TXNDC9: variants seen among roughly 807,000 people sequenced by gnomAD.
The protein encoded by TXNDC9 is thioredoxin domain-containing protein 9.
Under a neutral mutation model 23.0 loss-of-function variants are expected in TXNDC9, and 7 were observed. The ratio of observed to expected loss-of-function variants is 0.30; its 90% CI spans 0.17 to 0.57. The LOEUF is 0.57. Among genes scored for constraint, TXNDC9 ranks in the 20% least tolerant of loss-of-function variants. The pLI is 0.90. For missense variants in TXNDC9, 198 were observed against 252.6 expected (o/e 0.78, Z 1.47); for synonymous variants, 72 against 90.6 (o/e 0.79, Z 1.17).
At chr2:99,306,241 A>T in the TXNDC9 span, among the ~76,000 whole-genome samples, 1 of 152,048 alleles carries the variant, frequency 6.6e-6, no homozygotes, top group African/African-American at 2.4e-5. Context: ...AGAGAATTGA[A>T]TCCAGCCATC....
the TXNDC9 span, among the ~76,000 whole-genome samples, chr2:99,311,279 G>A: frequency 6.6e-6 from 1 of 152,106 alleles, no homozygotes; most frequent in Non-Finnish European, 1.5e-5. Context: ...ATGTGGCCCA[G>A]GCTGGTCCCC....
intron 2 of TXNDC9, among the ~76,000 whole-genome samples, chr2:99,331,509 CAAA>C (rs1331778345): frequency 7.3e-5 from 4 of 54,754 alleles, no homozygotes; most frequent in Non-Finnish European, 7.5e-5. Flanking sequence ...GACTCCCTCT[CAAA>C]AAAAAAAAAA....
In TXNDC9 at chr2:99,319,713, T is replaced by C; in HGVS notation, c.650A>G (p.Lys217Arg). The change falls in exon 5 of 5, where the codon AAG becomes AGG. Residue 217 changes from lysine to arginine, a missense_variant. Transcript: ENST00000264255. ...TKLEKKTIRG[K>R]KYDSDSDDD Reference sequence around the variant, plus strand: ...ATCATCAGAGTCTGAATCATATTTCTTTCCTCGGATAGTTTTCTTTTCCAG... The same window carrying C: ...ATCATCAGAGTCTGAATCATATTTCCTTCCTCGGATAGTTTTCTTTTCCAG... 6.2e-7 allele frequency: 1 copy of C among 1,605,172 alleles called. No individual in the cohort carries two copies. Among genetic ancestry groups the C allele is most frequent in the Non-Finnish European group, 8.5e-7 (1 of 1,177,532 alleles).
Position 99,319,128 on chromosome 2 carries a change from C to T in TXNDC9, c.*554G>A, listed in dbSNP as rs1312356281. The T allele has an allele frequency of 6.6e-6, 1 of 152,150 alleles. No homozygotes were observed. Among genetic ancestry groups the T allele is most frequent in the African/African-American group, 2.4e-5 (1 of 41,432 alleles). The allele number at this position is 152,150 out of a possible 1,614,324, so 9.4% of individuals were successfully genotyped here. Reference sequence around the variant, plus strand: ...TTTAATGAATGTCTTAAAATACAAGCAATCAGGACCCTTTAAATAAGGCAG... The same window carrying T: ...TTTAATGAATGTCTTAAAATACAAGTAATCAGGACCCTTTAAATAAGGCAG... On this transcript the variant is annotated 3_prime_UTR_variant, in exon 5 of 5. Coordinates refer to ENST00000264255, the MANE Select transcript of TXNDC9 (RefSeq NM_005783.4).
intron 2 of TXNDC9, chr2:99,332,743 T>G (rs2094229008): frequency 5.8e-6 from 2 of 343,882 alleles, no homozygotes; most frequent in South Asian, 1.2e-4. Context: ...AACCAATGAC[T>G]CCCTAGCCCT....
rs546276508 is a variant in TXNDC9 at position 99,326,318 on chromosome 2, G to C, written c.308+1217C>G. Reference sequence around the variant, plus strand: ...GGTGTTAACTAACAATGAAGCTGTTGGGTTGTGAGATCAAGACAAAGGGGC... The same window carrying C: ...GGTGTTAACTAACAATGAAGCTGTTCGGTTGTGAGATCAAGACAAAGGGGC... On this transcript the variant is annotated intron_variant, in intron 3 of 4. Coordinates refer to ENST00000264255, the MANE Select transcript of TXNDC9 (RefSeq NM_005783.4). Among the ~76,000 whole-genome samples, 6 of 152,230 alleles carry C rather than the reference G, an allele frequency of 3.9e-5. No homozygotes were observed. In the South Asian group the frequency reaches 1.2e-3, roughly 32 times the overall value.
chr2:99,316,784 T>C (rs1183512214), downstream of TXNDC9, among the ~76,000 whole-genome samples: 2 of 151,672 alleles, frequency 1.3e-5, no homozygotes, highest in African/African-American at 4.8e-5. Context: ...TGAGATGGAG[T>C]CTCACTCTGT....
downstream of TXNDC9, among the ~76,000 whole-genome samples, chr2:99,316,623 C>T (rs1574901453): frequency 6.6e-6 from 1 of 152,054 alleles, no homozygotes; most frequent in Admixed American, 6.6e-5. Context: ...GATTTTCAGG[C>T]ATCATTTCTT....
chr2:99,327,465 GC>G, intron 3 of TXNDC9, 69 bp downstream of exon 3: 1 of 1,060,640 alleles, frequency 9.4e-7, no homozygotes, highest in South Asian at 1.4e-5. Flanking sequence ...TCTCTAGTAA[GC>G]CAGTATATCT....
the TXNDC9 span, chr2:99,306,630 T>G: frequency 3.1e-6 from 1 of 327,520 alleles, no homozygotes; most frequent in East Asian, 9.0e-5. Context: ...CTTATTGATG[T>G]AGACATTTGG....
Position 99,332,684 on chromosome 2 carries a change from C to T in TXNDC9, c.189+338G>A, listed in dbSNP as rs79863576. 9.2e-4 allele frequency: 202 copies of T among 219,114 alleles called. 1 individual carries two copies. Among genetic ancestry groups the T allele is most frequent in the Non-Finnish European group, 1.5e-3 (167 of 111,754 alleles). The allele number at this position is 219,114 out of a possible 1,614,324, so 13.6% of individuals were successfully genotyped here. On this transcript the variant is annotated intron_variant, in intron 2 of 4. Transcript: ENST00000264255. ...TGCTCTTATCTCATCTGTCTTATCT[C>T]GTTTGCTTTGAAAATAGCTAAATCG...
At chr2:99,332,804 T>C (rs1157270672) in intron 2 of TXNDC9, 10 of 482,846 alleles carry the variant, frequency 2.1e-5, no homozygotes, top group Non-Finnish European at 3.3e-5. Context: ...GGGCAGATCT[T>C]TCTTTTACTC....
intron 2 of TXNDC9, among the ~76,000 whole-genome samples, chr2:99,328,514 C>A (rs1197422722): frequency 6.6e-6 from 1 of 152,164 alleles, no homozygotes; most frequent in Non-Finnish European, 1.5e-5. Flanking sequence ...GGGTTCAAGA[C>A]AATTACCTGT....
downstream of TXNDC9, among the ~76,000 whole-genome samples, chr2:99,315,692 C>T (rs1224451468): frequency 6.6e-6 from 1 of 152,086 alleles, no homozygotes; most frequent in Non-Finnish European, 1.5e-5. Flanking sequence ...TTTTGTATAT[C>T]GCATAAAGGA....
At chr2:99,324,034 T>C (rs371092429) in intron 3 of TXNDC9, among the ~76,000 whole-genome samples, 2 of 151,990 alleles carry the variant, frequency 1.3e-5, no homozygotes, top group South Asian at 2.1e-4. Flanking sequence ...TTAGTAGCGA[T>C]GGGGTTTCAC....
At chr2:99,325,408 T>G (rs1440418311) in intron 3 of TXNDC9, among the ~76,000 whole-genome samples, 1 of 152,184 alleles carries the variant, frequency 6.6e-6, no homozygotes, top group Non-Finnish European at 1.5e-5. Flanking sequence ...AATACAGGAA[T>G]AATAATAAGT....
intron 3 of TXNDC9, 129 bp downstream of exon 3, chr2:99,327,406 G>C (rs989625899): frequency 1.5e-5 from 10 of 688,392 alleles, no homozygotes; most frequent in African/African-American, 1.1e-4. Context: ...ACATATGAGA[G>C]AGTACAATGA....
At chr2:99,327,478 C>T in intron 3 of TXNDC9, 57 bp downstream of exon 3, 1 of 1,274,130 alleles carries the variant, frequency 7.8e-7, no homozygotes, top group Non-Finnish European at 1.1e-6. Context: ...AGTATATCTC[C>T]AGCCAAACAA....
At chr2:99,321,933 C>G (rs778420134) in intron 4 of TXNDC9, 22 bp downstream of exon 4, 1 of 1,576,148 alleles carries the variant, frequency 6.3e-7, no homozygotes, top group Admixed American at 1.9e-5. Context: ...TAAAATCAAT[C>G]TCTTCTTTTG....
Sources: gnomAD v4.1 joint callset for allele counts (sites outside exome capture counted in the v4.1 genomes callset) on GRCh38, gnomAD v4.1.1 for gene constraint, MANE v1.5 for transcripts, NCBI Gene and HGNC (gene_info 2026-07-23, HGNC 2026-07-21) for gene names.